CCNF: variants seen among roughly 807,000 people sequenced by gnomAD.
CCNF encodes the protein cyclin-F.
Under a neutral mutation model 85.4 loss-of-function variants are expected in CCNF, and 30 were observed. The ratio of observed to expected loss-of-function variants is 0.35; its 90% CI spans 0.26 to 0.48. CCNF has a LOEUF of 0.48. Among genes scored for constraint, CCNF ranks in the 20% least tolerant of loss-of-function variants. The pLI is 0.99. For missense variants in CCNF, 919 were observed against 1,010.4 expected (o/e 0.91, Z 1.23); for synonymous variants, 439 against 425.1 (o/e 1.03, Z -0.40).
intron 12 of CCNF, 35 bp from the exon 13 acceptor site, chr16:2,449,793 C>CA: frequency 7.9e-7 from 1 of 1,269,920 alleles, no homozygotes; most frequent in Non-Finnish European, 1.1e-6. Context: ...CCGTCCCCTC[C>CA]ATCCCCTCCA....
chr16:2,439,610 C>A, intron 7 of CCNF, 139 bp from the exon 8 acceptor site: 1 of 920,454 alleles, frequency 1.1e-6, no homozygotes, highest in Non-Finnish European at 1.7e-6. Context: ...GTCGGCTATT[C>A]TTGGTACCCC....
intron 8 of CCNF, among the ~76,000 whole-genome samples, chr16:2,441,977 A>ATATATATATG (rs1411330927): frequency 1.0e-5 from 1 of 95,854 alleles, no homozygotes; most frequent in Non-Finnish European, 2.2e-5. Flanking sequence ...ATATATATAT[A>ATATATATATG]TATATGTTTT....
chr16:2,437,356 C>T (rs113434351), intron 5 of CCNF, 34 bp downstream of exon 5: 6 of 1,502,166 alleles, frequency 4.0e-6, no homozygotes, highest in Admixed American at 3.8e-5. Flanking sequence ...CCTGCGAGGC[C>T]ACCTGCAGGG....
chr16:2,443,060 T>G (rs1419477188), intron 8 of CCNF, among the ~76,000 whole-genome samples: 1 of 112,780 alleles, frequency 8.9e-6, no homozygotes, highest in Non-Finnish European at 1.7e-5. Flanking sequence ...TTATAATATC[T>G]ATAATATATA....
At position 2,443,769 on chromosome 16, in the gene CCNF, T is replaced by A. The variant is rs1343681065; in HGVS notation, c.898T>A (p.Ser300Thr). 6.2e-7 allele frequency: 1 copy of A among 1,614,108 alleles called. No individual in the cohort carries two copies. Among genetic ancestry groups the A allele is most frequent in the South Asian group, 1.1e-5 (1 of 91,072 alleles). ...GGCTGTCAGTAAACAACAAGTCTTCTCCGTGCAGAAGGGACTCAATGACAC... is the reference window on the plus strand; with the variant it reads ...GGCTGTCAGTAAACAACAAGTCTTCACCGTGCAGAAGGGACTCAATGACAC... ...SQAVSKQQVF[S>T]VQKGLNDTMR... The change falls in exon 9 of 17, where the codon TCC becomes ACC. Residue 300 changes from serine (S) to threonine (T), a missense_variant. By Grantham distance (58) the Ser-to-Thr change is moderately conservative (BLOSUM62 1). Transcript: ENST00000397066.
chr16:2,436,227 TC>T (rs1387802696), intron 4 of CCNF: 1 of 205,770 alleles, frequency 4.9e-6, no homozygotes, highest in African/African-American at 2.3e-5. Flanking sequence ...TCCTTGGCCA[TC>T]CTCTTAGAAC....
At chr16:2,434,992 C>T (rs142389062) in intron 3 of CCNF, among the ~76,000 whole-genome samples, 64 of 152,210 alleles carry the variant, frequency 4.2e-4, no homozygotes, top group African/African-American at 1.3e-3. Flanking sequence ...TGGTGGCTCA[C>T]GCTTGTAATC....
intron 5 of CCNF, 115 bp from the exon 6 acceptor site, chr16:2,437,955 A>C: frequency 1.3e-5 from 8 of 627,502 alleles, no homozygotes; most frequent in East Asian, 3.1e-5. Flanking sequence ...TCTGCAGGGG[A>C]GGGAGGGCCA....
At position 2,450,568 on chromosome 16, in the gene CCNF, C is replaced by T. The variant is rs189995213; in HGVS notation, c.1487+653C>T. Among the ~76,000 whole-genome samples the T allele has an allele frequency of 1.4e-4, 21 of 151,498 alleles. 1 individual carries two copies. The East Asian group carries it at 3.9e-3, about 28-fold the overall frequency. ...TCTCACACATTTTTCACATTGAGAG[C>T]AGCTGCTCCCAACCCAAGCTCATTG... On this transcript the variant is annotated intron_variant, in intron 13 of 16. Coordinates refer to ENST00000397066, the MANE Select transcript of CCNF (RefSeq NM_001761.3).
At chr16:2,450,166 C>T (rs970267967) in intron 13 of CCNF, among the ~76,000 whole-genome samples, 1 of 150,742 alleles carries the variant, frequency 6.6e-6, no homozygotes, top group Non-Finnish European at 1.5e-5. Flanking sequence ...GATATCACGT[C>T]ACTGGACTCC....
Position 2,453,375 on chromosome 16 carries a change from G to A in CCNF, c.1588-35G>A, listed in dbSNP as rs1329581367. 5.0e-6 allele frequency: 8 copies of A among 1,613,602 alleles called. No individual in the cohort carries two copies. The highest frequency in any genetic ancestry group is 1.1e-5 in the South Asian group (1 of 91,090). On this transcript the variant is annotated intron_variant, in intron 14 of 16. Coordinates refer to ENST00000397066, the MANE Select transcript of CCNF (RefSeq NM_001761.3). This position sits in a 1 kb window ranked among gnomAD's most constrained non-coding sequence, Gnocchi z 5.6. ...GGGTGTGGGCGGGCCTCACCCTCGG[G>A]GCCTCTGCACCCCCTAACTCTAGCT...
chr16:2,436,726 C>T (rs2065292989), intron 4 of CCNF: 1 of 158,012 alleles, frequency 6.3e-6, no homozygotes, highest in African/African-American at 2.4e-5. Context: ...CAGGGTTGTG[C>T]AGCCATTGCC....
intron 2 of CCNF, 30 bp downstream of exon 2, chr16:2,431,314 C>T: frequency 6.2e-7 from 1 of 1,606,624 alleles, no homozygotes; most frequent in Non-Finnish European, 8.5e-7. Context: ...CACTATGAGC[C>T]CTAGCATTGT....
At position 2,457,057 on chromosome 16, in the gene CCNF, A is replaced by AG; in HGVS notation, c.*42dup. 6.9e-7 allele frequency: 1 copy of AG among 1,449,168 alleles called. No homozygotes were observed. Among genetic ancestry groups the AG allele is most frequent in the South Asian group, 1.3e-5 (1 of 76,122 alleles). The allele number at this position is 1,449,168 out of a possible 1,614,324, so 89.8% of individuals were successfully genotyped here. A position where few individuals can be genotyped will look rare whatever the true frequency, so the allele number is the denominator to read the frequency against. Reference sequence around the variant, plus strand: ...CATTTGCCGCAGTGGATGTGTACTGAGGGGGCTGGAGGCGAAGGGTGGGAG... The same window carrying AG: ...CATTTGCCGCAGTGGATGTGTACTGAGGGGGGCTGGAGGCGAAGGGTGGGAG... On this transcript the variant is annotated 3_prime_UTR_variant, in exon 17 of 17. Transcript: ENST00000397066.
At chr16:2,431,621 A>G (rs2065263056) in intron 2 of CCNF, among the ~76,000 whole-genome samples, 1 of 146,028 alleles carries the variant, frequency 6.8e-6, no homozygotes, top group Non-Finnish European at 1.5e-5. Flanking sequence ...CAGAGCTTGC[A>G]GTGAGCCGAG....
At chr16:2,439,873 C>G in intron 8 of CCNF, 47 bp downstream of exon 8, 1 of 1,533,198 alleles carries the variant, frequency 6.5e-7, no homozygotes, top group African/African-American at 1.4e-5. Context: ...CTTTCTCCCT[C>G]CAGCCTTGGG....
At chr16:2,438,396 C>G (rs1373961961) in intron 6 of CCNF, among the ~76,000 whole-genome samples, 2 of 152,186 alleles carry the variant, frequency 1.3e-5, no homozygotes, top group Non-Finnish European at 2.9e-5. Context: ...GCTCACTCGT[C>G]TGCTGGCCCT....
At chr16:2,431,971 C>T (rs1321073857) in intron 2 of CCNF, among the ~76,000 whole-genome samples, 3 of 151,752 alleles carry the variant, frequency 2.0e-5, no homozygotes, top group African/African-American at 7.3e-5. Flanking sequence ...GCTGGGACTA[C>T]AGGCACCCGC....
At chr16:2,454,675 A>C (rs1454077393) in intron 15 of CCNF, among the ~76,000 whole-genome samples, 1 of 152,206 alleles carries the variant, frequency 6.6e-6, no homozygotes, top group Non-Finnish European at 1.5e-5. Flanking sequence ...ACTTGACCCC[A>C]GTTGGGTGTG....
Sources: allele counts gnomAD v4.1 joint callset (sites outside exome capture counted in the v4.1 genomes callset), GRCh38; gene constraint gnomAD v4.1.1; non-coding constraint Gnocchi (gnomAD v3.1); transcripts MANE v1.5; gene names NCBI Gene and HGNC (gene_info 2026-07-23, HGNC 2026-07-21).